The following SIPA1L2 variants were observed in gnomAD, a reference collection of about 807,000 sequenced individuals.
The protein encoded by SIPA1L2 is signal induced proliferation associated 1 like 2.
A neutral mutation model predicts 163.9 loss-of-function variants in SIPA1L2; 56 were observed. The ratio of observed to expected loss-of-function variants is 0.34; its 90% CI spans 0.28 to 0.43. The LOEUF (loss-of-function observed/expected upper bound fraction) is 0.43, where lower values mean the gene tolerates loss of function less well. SIPA1L2 is among the 20% of genes least tolerant of loss of function. The probability of loss-of-function intolerance (pLI) is 1.00; values close to 1 mark genes in which losing one functional copy is unlikely to be tolerated. For missense variants in SIPA1L2, 1,974 were observed against 2,193.5 expected (o/e 0.90, Z 2.00); for synonymous variants, 877 against 865.7 (o/e 1.01, Z -0.23).
At chr1:232,553,390 G>A (rs1217993726) in intron 2 of SIPA1L2, among the ~76,000 whole-genome samples, 2 of 152,166 alleles carry the variant, frequency 1.3e-5, no homozygotes, top group Non-Finnish European at 2.9e-5. Flanking sequence ...ACGGGGGGGC[G>A]TAGTGGGCCA....
chr1:232,570,254 T>A (rs555097429), intron 2 of SIPA1L2, among the ~76,000 whole-genome samples: 24 of 152,320 alleles, frequency 1.6e-4, no homozygotes, highest in African/African-American at 5.8e-4. Context: ...CCTAATCCTC[T>A]GATAAACAAG....
intron 1 of SIPA1L2, among the ~76,000 whole-genome samples, chr1:232,576,539 C>G (rs534859879): frequency 1.3e-5 from 2 of 152,166 alleles, no homozygotes; most frequent in East Asian, 3.9e-4. Flanking sequence ...CAATATTGAA[C>G]GTAGGCCAAT....
At chr1:232,550,508 A>G (rs1325769506) in intron 2 of SIPA1L2, among the ~76,000 whole-genome samples, 1 of 152,258 alleles carries the variant, frequency 6.6e-6, no homozygotes, top group African/African-American at 2.4e-5. Flanking sequence ...CAACCAGAAA[A>G]GCAGTTAAAC....
intron 2 of SIPA1L2, among the ~76,000 whole-genome samples, chr1:232,548,511 A>T (rs1254561900): frequency 6.6e-6 from 1 of 152,242 alleles, no homozygotes; most frequent in East Asian, 1.9e-4. Context: ...TTACAACCTC[A>T]AACAATGGTA....
intron 14 of SIPA1L2, among the ~76,000 whole-genome samples, chr1:232,440,749 T>A (rs543449596): frequency 1.1e-3 from 166 of 152,374 alleles, no homozygotes; most frequent in Non-Finnish European, 2.2e-3. Flanking sequence ...GGAAGTTTTG[T>A]TTCACTGGGC....
rs1447766475 is a variant in SIPA1L2 at position 232,608,051 on chromosome 1, A to AAAAACAAAAC, written c.-319+21817_-319+21818insGTTTTGTTTT. ...AACAAGAGCGAAACTCCATCTCAAA[A>AAAAACAAAAC]AAAAAAAAAAAAAAAAAACGAGTCT... On this transcript the variant is annotated intron_variant, in intron 1 of 22. Transcript: ENST00000674635. Among the ~76,000 whole-genome samples the AAAAACAAAAC allele has an allele frequency of 1.1e-3, 146 of 131,942 alleles. 3 individuals are homozygous for AAAAACAAAAC. Among genetic ancestry groups the AAAAACAAAAC allele is most frequent in the African/African-American group, 3.8e-3 (142 of 37,034 alleles). The allele number at this position is 131,942 out of a possible 152,430, so 86.6% of individuals were successfully genotyped here.
At chr1:232,608,050 A>AAAAAAAAAAAAACAAAC (rs1308376187) in intron 1 of SIPA1L2, among the ~76,000 whole-genome samples, 1 of 62,458 alleles carries the variant, frequency 1.6e-5, no homozygotes, top group African/African-American at 4.6e-5. Context: ...TCCATCTCAA[A>AAAAAAAAAAAAACAAAC]AAAAAAAAAA....
chr1:232,551,833 T>C lies in SIPA1L2; in HGVS notation c.-270+22341A>G, dbSNP rs999441633. ...TTTTCCATGAGAACAATAAGGTTAT[T>C]TTTTATTTATTTATTTTCCCCATGA... On this transcript the variant is annotated intron_variant, in intron 2 of 22. Transcript: ENST00000674635. Among the ~76,000 whole-genome samples the C allele has an allele frequency of 3.3e-5, 5 of 152,202 alleles. No individual in the cohort carries two copies. In the East Asian group the frequency reaches 9.6e-4, roughly 29 times the overall value.
Position 232,490,912 on chromosome 1 carries a change from T to C in SIPA1L2, c.1768A>G (p.Lys590Glu). ...AGCTTGAGCAGCTGCTCTGAGACCT[T>C]GGGTGAGTTGGAAGCCTGTCGCAAA... ...QCLRQASNSP[K>E]VSEQLLKLDE... Residue 590 changes from lysine to glutamate, a missense_variant, in exon 5 of 23, where the codon AAG becomes GAG. Transcript: ENST00000674635. 5 of 1,614,080 alleles carry C rather than the reference T, an allele frequency of 3.1e-6. No individual in the cohort carries two copies. Among genetic ancestry groups the C allele is most frequent in the Non-Finnish European group, 4.2e-6 (5 of 1,179,976 alleles).
chr1:232,514,482 C>T lies in SIPA1L2; in HGVS notation c.858G>A (p.Ser286=), dbSNP rs370449684. The change falls in exon 3 of 23, where the codon TCG becomes TCA. Residue 286 remains serine (S), a synonymous_variant. Transcript: ENST00000674635. ...KPFKRRLKSE[S]VETSLFRKLR... ...GCTTTCGGAAGAGAGATGTTTCCACCGACTCTGATTTCAACCTCCGTTTGA... is the reference window on the plus strand; with the variant it reads ...GCTTTCGGAAGAGAGATGTTTCCACTGACTCTGATTTCAACCTCCGTTTGA... The T allele has an allele frequency of 1.5e-5, 24 of 1,614,034 alleles. No individual in the cohort carries two copies. The highest frequency in any genetic ancestry group is 2.2e-5 in the East Asian group (1 of 44,886).
rs1482802871 is a variant in SIPA1L2, at chr1:232,460,990, C to T, written c.2992G>A (p.Ala998Thr). 3.1e-6 allele frequency: 5 copies of T among 1,614,144 alleles called. No individual in the cohort carries two copies. Among genetic ancestry groups the T allele is most frequent in the South Asian group, 1.1e-5 (1 of 91,092 alleles). ...TGCTCGTGGGTCAGAGTGGCCACGGCTACTTTGCAGATCTCCACGAGGCGG... is the reference window on the plus strand; with the variant it reads ...TGCTCGTGGGTCAGAGTGGCCACGGTTACTTTGCAGATCTCCACGAGGCGG... ...GSRLVEICKV[A>T]VATLTHEQMI... Residue 998 changes from alanine to threonine, a missense_variant, in exon 10 of 23, where the codon GCC becomes ACC. Transcript: ENST00000674635.
intron 3 of SIPA1L2, among the ~76,000 whole-genome samples, chr1:232,500,907 TA>T (rs1378357448): frequency 2.0e-5 from 3 of 152,174 alleles, no homozygotes; most frequent in African/African-American, 7.2e-5. Context: ...GTTGTTTTAA[TA>T]AATTGTCACA....
chr1:232,501,161 C>G (rs1051137366), intron 3 of SIPA1L2, among the ~76,000 whole-genome samples: 1 of 146,862 alleles, frequency 6.8e-6, no homozygotes, highest in Non-Finnish European at 1.5e-5. Flanking sequence ...AGGTTCACGA[C>G]GTTCTCCTGC....
chr1:232,401,690 G>A (rs563157329), intron 22 of SIPA1L2, among the ~76,000 whole-genome samples: 49 of 152,120 alleles, frequency 3.2e-4, no homozygotes, highest in Non-Finnish European at 5.3e-4. Context: ...CCACCCACTT[G>A]CTCTTCACCC....
chr1:232,403,593 A>G, intron 20 of SIPA1L2, 22 bp from the exon 21 acceptor site: 1 of 1,603,206 alleles, frequency 6.2e-7, no homozygotes. Flanking sequence ...AGAAACACAC[A>G]CAGAAAGAAG....
intron 1 of SIPA1L2, among the ~76,000 whole-genome samples, chr1:232,577,681 G>A (rs1030008253): frequency 1.3e-5 from 2 of 152,054 alleles, no homozygotes; most frequent in African/African-American, 2.4e-5. Flanking sequence ...TTTGGGGTGG[G>A]GGCTTAACAT....
intron 1 of SIPA1L2, among the ~76,000 whole-genome samples, chr1:232,613,685 T>C (rs945668014): frequency 1.5e-5 from 1 of 66,680 alleles, no homozygotes; most frequent in African/African-American, 6.6e-5. Flanking sequence ...AAGTTAAAAT[T>C]CAAGAACAAA....
At position 232,485,162 on chromosome 1, in the gene SIPA1L2, C is replaced by T. The variant is rs561690514; in HGVS notation, c.1807-1196G>A. ...CTACCCATATATTCTGAATGCATTCCGATCTTGACTAAGTGCTATGAGAAG... is the reference window on the plus strand; with the variant it reads ...CTACCCATATATTCTGAATGCATTCTGATCTTGACTAAGTGCTATGAGAAG... On this transcript the variant is annotated intron_variant, in intron 5 of 22. Transcript: ENST00000674635. 1.2e-4 allele frequency among the ~76,000 whole-genome samples: 18 copies of T among 152,232 alleles called. No homozygotes were observed. In the East Asian group the frequency reaches 2.5e-3, roughly 21 times the overall value.
At chr1:232,423,957 T>C (rs1661725592) in intron 18 of SIPA1L2, among the ~76,000 whole-genome samples, 1 of 152,012 alleles carries the variant, frequency 6.6e-6, no homozygotes, top group East Asian at 1.9e-4. Flanking sequence ...GTAAAAAGAT[T>C]AGTGGTTGCC....
Sources: allele counts gnomAD v4.1 joint callset (sites outside exome capture counted in the v4.1 genomes callset), GRCh38; gene constraint gnomAD v4.1.1; transcripts MANE v1.5; gene names NCBI Gene and HGNC (gene_info 2026-07-23, HGNC 2026-07-21).